Variants in DOCK7 observed in about 807,000 individuals in gnomAD.
The protein encoded by DOCK7 is dedicator of cytokinesis 7, also known as dedicator of cytokinesis protein 7.
Under a neutral mutation model 271.0 loss-of-function variants are expected in DOCK7, and 138 were observed. That is an observed-to-expected ratio of 0.51 (90% CI 0.44 to 0.59). DOCK7 has a LOEUF of 0.59. DOCK7 is among the 20% of genes least tolerant of loss of function. The probability of loss-of-function intolerance (pLI) is 0.00; values close to 1 mark genes in which losing one functional copy is unlikely to be tolerated. For synonymous variants in DOCK7, 823 were observed against 876.1 expected, an observed-to-expected ratio of 0.94 and a Z score of 1.07; for missense variants, 2,066 against 2,592.4, an observed-to-expected ratio of 0.80 and a Z score of 4.41.
At chr1:62,484,512 T>G (rs1385924724) in intron 43 of DOCK7, 1 of 152,146 alleles carries the variant, frequency 6.6e-6, no homozygotes, top group Non-Finnish European at 1.5e-5. Context: ...GACCCTAAGA[T>G]AGGGTCTCAC....
At chr1:62,618,015 T>A (rs562874850) in intron 14 of DOCK7, among the ~76,000 whole-genome samples, 58 of 152,192 alleles carry the variant, frequency 3.8e-4, no homozygotes, top group African/African-American at 1.1e-3. Context: ...AAGTCTAGGA[T>A]GAAATCCAAA....
chr1:62,548,578 AC>A (rs1645790516), intron 22 of DOCK7, among the ~76,000 whole-genome samples: 1 of 151,884 alleles, frequency 6.6e-6, no homozygotes, highest in South Asian at 2.1e-4. Flanking sequence ...GCACCACCAC[AC>A]CCAGCTAATT....
intron 46 of DOCK7, 38 bp downstream of exon 46, chr1:62,475,669 T>C (rs745751520): frequency 1.3e-6 from 2 of 1,563,744 alleles, no homozygotes; most frequent in South Asian, 2.2e-5. Context: ...TTGAATGTAT[T>C]TGCTTCACTA....
intron 43 of DOCK7, chr1:62,485,486 T>C (rs1646266967): frequency 1.6e-5 from 16 of 985,404 alleles, no homozygotes; most frequent in East Asian, 1.1e-4. Flanking sequence ...GAGCAAGTTA[T>C]CAATTCAAAG....
At chr1:62,473,703 C>T (rs1273124674) in intron 48 of DOCK7, among the ~76,000 whole-genome samples, 1 of 152,076 alleles carries the variant, frequency 6.6e-6, no homozygotes, top group Non-Finnish European at 1.5e-5. Context: ...CCTGTCTCAG[C>T]CTCCCGAGTA....
intron 31 of DOCK7, among the ~76,000 whole-genome samples, chr1:62,514,913 C>A (rs1404322176): frequency 1.3e-5 from 2 of 151,934 alleles, no homozygotes; most frequent in East Asian, 1.9e-4. Flanking sequence ...ACTCGGCTGA[C>A]AAATATACTA....
At chr1:62,530,407 C>A (rs1474045154) in intron 29 of DOCK7, among the ~76,000 whole-genome samples, 1 of 152,160 alleles carries the variant, frequency 6.6e-6, no homozygotes, top group African/African-American at 2.4e-5. Flanking sequence ...AATGTCTCCC[C>A]TCATTAGGTT....
At chr1:62,563,988 T>C (rs1646426219) in intron 18 of DOCK7, among the ~76,000 whole-genome samples, 2 of 147,566 alleles carry the variant, frequency 1.4e-5, no homozygotes, top group African/African-American at 5.0e-5. Flanking sequence ...CATTACATAA[T>C]GGTAAAGGGA....
chr1:62,621,685 T>G (rs1483124374), intron 12 of DOCK7, among the ~76,000 whole-genome samples: 1 of 152,210 alleles, frequency 6.6e-6, no homozygotes, highest in African/African-American at 2.4e-5. Flanking sequence ...TTTAGTTTTA[T>G]TGAGTTATGG....
intron 16 of DOCK7, among the ~76,000 whole-genome samples, chr1:62,579,695 G>GAAAAAAA (rs34924913): frequency 3.0e-4 from 19 of 63,896 alleles, no homozygotes; most frequent in East Asian, 5.5e-4. Context: ...GAGTGAGACC[G>GAAAAAAA]AAAAAAAAAA....
intron 11 of DOCK7, among the ~76,000 whole-genome samples, chr1:62,630,371 A>G (rs1654472318): frequency 6.6e-6 from 1 of 152,108 alleles, no homozygotes; most frequent in African/African-American, 2.4e-5. Context: ...TTCCCTCAGT[A>G]AACCCTATGT....
rs749259157 is a variant in DOCK7 at position 62,475,852 on chromosome 1, C to A, written c.5816G>T (p.Arg1939Leu). 1 of 1,613,888 alleles carries A rather than the reference C, an allele frequency of 6.2e-7. No homozygotes were observed. Residue 1939 changes from arginine (R) to leucine (L), a missense_variant, in exon 46 of 50, where the codon CGT becomes CTT. By Grantham distance (102) the Arg-to-Leu change is moderately radical. Transcript: ENST00000635253. ...AAAGGGTGTACAGTACATGAATCGA[C>A]GAAGATTGTAATTTTTGTCGAAATA... ...ITYFDKNYNL[R>L]RFMYCTPFTL...
intron 48 of DOCK7, among the ~76,000 whole-genome samples, chr1:62,473,236 A>G: frequency 6.6e-6 from 1 of 152,198 alleles, no homozygotes; most frequent in South Asian, 2.1e-4. Flanking sequence ...ATGCAGGATC[A>G]TAGAAATTAA....
chr1:62,655,943 TG>T (rs1350630033), intron 2 of DOCK7, among the ~76,000 whole-genome samples: 8 of 152,168 alleles, frequency 5.3e-5, no homozygotes, highest in Non-Finnish European at 1.2e-4. Flanking sequence ...AGCCACAAAA[TG>T]GTAGAGCAGA....
chr1:62,551,715 A>C (rs1181186964), intron 22 of DOCK7, among the ~76,000 whole-genome samples: 1 of 152,038 alleles, frequency 6.6e-6, no homozygotes, highest in African/African-American at 2.4e-5. Context: ...AAACTATGTA[A>C]ATAATACTTG....
rs368439670 is a variant in DOCK7, at chr1:62,591,508, T to C, written c.1683-4884A>G. Among the ~76,000 whole-genome samples, 29 of 152,002 alleles carry C rather than the reference T, an allele frequency of 1.9e-4. No individual in the cohort carries two copies. The East Asian group carries it at 1.9e-3, about 10-fold the overall frequency. ...CAAACCTAAAAGTTTAAAAAAAGTATTAATCTACATTAAAAAATAAAAAAT... is the reference window on the plus strand; with the variant it reads ...CAAACCTAAAAGTTTAAAAAAAGTACTAATCTACATTAAAAAATAAAAAAT... On this transcript the variant is annotated intron_variant, in intron 14 of 49. Coordinates refer to ENST00000635253, the MANE Select transcript of DOCK7 (RefSeq NM_001367561.1).
intron 14 of DOCK7, chr1:62,601,145 A>C: frequency 6.2e-7 from 1 of 1,611,142 alleles, no homozygotes; most frequent in Non-Finnish European, 8.5e-7. Flanking sequence ...AAGAGCACCA[A>C]GAACTACTCC....
At chr1:62,503,854 T>C (rs1282718261) in intron 37 of DOCK7, among the ~76,000 whole-genome samples, 1 of 152,084 alleles carries the variant, frequency 6.6e-6, no homozygotes, top group Non-Finnish European at 1.5e-5. Flanking sequence ...GAGACCATCC[T>C]GGCTAACATG....
intron 21 of DOCK7, among the ~76,000 whole-genome samples, chr1:62,554,188 G>C (rs1646056655): frequency 6.6e-6 from 1 of 152,080 alleles, no homozygotes; most frequent in Non-Finnish European, 1.5e-5. Flanking sequence ...AAAAAGCAAA[G>C]GCGGCTGGGC....
Sources: gnomAD v4.1 joint callset for allele counts (sites outside exome capture counted in the v4.1 genomes callset) on GRCh38, gnomAD v4.1.1 for gene constraint, MANE v1.5 for transcripts, NCBI Gene and HGNC (gene_info 2026-07-23, HGNC 2026-07-21) for gene names.